Variants in CYTH1 observed in about 807,000 individuals in gnomAD.
CYTH1 encodes the protein cytohesin 1.
In CYTH1, 18 loss-of-function variants were observed where a neutral mutation model predicts 61.8. That is an observed-to-expected ratio of 0.29 (90% CI 0.20 to 0.43). The LOEUF (loss-of-function observed/expected upper bound fraction) is 0.43, where lower values mean the gene tolerates loss of function less well. CYTH1 is among the 20% of genes least tolerant of loss of function. CYTH1 has a pLI of 1.00. For synonymous variants in CYTH1, 174 were observed against 184.3 expected, an observed-to-expected ratio of 0.94 and a Z score of 0.45; for missense variants, 336 against 510.5, an observed-to-expected ratio of 0.66 and a Z score of 3.29.
rs112606600 is a variant in CYTH1 at position 78,679,987 on chromosome 17, A to G, written c.1118+203T>C. Reference sequence around the variant, plus strand: ...AGGACACGTGGGGAACCCAGATGGGACGTGCTCTCTTACATATGCTATAAT... The same window carrying G: ...AGGACACGTGGGGAACCCAGATGGGGCGTGCTCTCTTACATATGCTATAAT... On this transcript the variant is annotated intron_variant, in intron 13 of 13. Transcript: ENST00000446868. Among the ~76,000 whole-genome samples, 160 of 152,294 alleles carry G rather than the reference A, an allele frequency of 1.1e-3. 1 individual carries two copies. The highest frequency in any genetic ancestry group is 3.7e-3 in the African/African-American group (153 of 41,560).
chr17:78,704,879 G>A (rs1439579401), intron 3 of CYTH1, among the ~76,000 whole-genome samples: 2 of 152,158 alleles, frequency 1.3e-5, no homozygotes, highest in Non-Finnish European at 2.9e-5. Context: ...GAACTTCCAG[G>A]TGTAAGATAA....
chr17:78,728,303 T>C (rs2093276878), intron 1 of CYTH1, among the ~76,000 whole-genome samples: 1 of 152,220 alleles, frequency 6.6e-6, no homozygotes, highest in Admixed American at 6.5e-5. Context: ...TCCAGCACTT[T>C]TGGGGGCCGA....
intron 1 of CYTH1, among the ~76,000 whole-genome samples, chr17:78,740,207 A>C (rs983963796): frequency 6.6e-6 from 1 of 152,148 alleles, no homozygotes; most frequent in African/African-American, 2.4e-5. Context: ...AAGTGCTGAG[A>C]TTACAGGCGT....
At chr17:78,733,318 T>C (rs2093304445) in intron 1 of CYTH1, among the ~76,000 whole-genome samples, 1 of 152,232 alleles carries the variant, frequency 6.6e-6, no homozygotes, top group African/African-American at 2.4e-5. Context: ...ACTCTGCATA[T>C]TTCCTGACAA....
chr17:78,750,717 G>A (rs2093376629), intron 1 of CYTH1, among the ~76,000 whole-genome samples: 1 of 151,354 alleles, frequency 6.6e-6, no homozygotes, highest in African/African-American at 2.4e-5. Context: ...AGGGAGTATT[G>A]CTTGAACCCG....
intron 1 of CYTH1, among the ~76,000 whole-genome samples, chr17:78,781,719 C>A (rs2093518798): frequency 6.6e-6 from 1 of 152,040 alleles, no homozygotes; most frequent in African/African-American, 2.4e-5. Flanking sequence ...GCGGGCCCGG[C>A]CATCCGCGCG....
chr17:78,727,712 T>A (rs2093273895), intron 1 of CYTH1: 1 of 471,100 alleles, frequency 2.1e-6, no homozygotes, highest in Non-Finnish European at 4.4e-6. Flanking sequence ...GGCGAGTGCA[T>A]CCTTCTGGTG....
chr17:78,709,626 G>A, intron 2 of CYTH1, 24 bp downstream of exon 2: 1 of 1,612,942 alleles, frequency 6.2e-7, no homozygotes, highest in South Asian at 1.1e-5. Context: ...TTACGTTGGT[G>A]AAACCACCAT....
At chr17:78,780,250 G>A (rs2093511397) in intron 1 of CYTH1, among the ~76,000 whole-genome samples, 1 of 152,244 alleles carries the variant, frequency 6.6e-6, no homozygotes, top group Admixed American at 6.5e-5. Flanking sequence ...GGGAGCAGTG[G>A]CTCATGCCTG....
chr17:78,778,322 GGA>G (rs2093501634), intron 1 of CYTH1, among the ~76,000 whole-genome samples: 8 of 32,268 alleles, frequency 2.5e-4, no homozygotes, highest in Admixed American at 5.4e-4. Flanking sequence ...AAAAAAAAAG[GGA>G]AAAAAAATTA....
intron 1 of CYTH1, among the ~76,000 whole-genome samples, chr17:78,719,608 A>G (rs1289912893): frequency 1.3e-5 from 2 of 152,222 alleles, no homozygotes; most frequent in Non-Finnish European, 2.9e-5. Flanking sequence ...CAGGGATAAG[A>G]ATGCAACCAA....
chr17:78,711,485 A>C (rs2093132142), intron 1 of CYTH1, among the ~76,000 whole-genome samples: 1 of 152,058 alleles, frequency 6.6e-6, no homozygotes, highest in South Asian at 2.1e-4. Flanking sequence ...CTCATATTAT[A>C]TTTCTAGACA....
At position 78,679,808 on chromosome 17, in the gene CYTH1, T is replaced by C. The variant is rs902724842; in HGVS notation, c.1118+382A>G. ...CTCATCTGTAGCTAGGAAAATGGTG[T>C]CTCACAGGATTCACAAATTACAGAA... On this transcript the variant is annotated intron_variant, in intron 13 of 13. Coordinates refer to ENST00000446868, the MANE Select transcript of CYTH1 (RefSeq NM_004762.6). Among the ~76,000 whole-genome samples the C allele has an allele frequency of 5.3e-5, 8 of 152,180 alleles. No individual in the cohort carries two copies. The East Asian group carries it at 1.5e-3, about 29-fold the overall frequency.
chr17:78,692,369 G>A (rs1308201551), intron 11 of CYTH1, 48 bp downstream of exon 11: 14 of 1,585,084 alleles, frequency 8.8e-6, no homozygotes, highest in African/African-American at 1.3e-5. Context: ...ACTTGGAACC[G>A]GAGGCCTTGC....
intron 1 of CYTH1, among the ~76,000 whole-genome samples, chr17:78,732,303 A>C (rs2093299320): frequency 6.6e-6 from 1 of 152,208 alleles, no homozygotes; most frequent in African/African-American, 2.4e-5. Flanking sequence ...CCCCACAGCC[A>C]GTCCTGTGCT....
chr17:78,741,915 C>A (rs2093343452), intron 1 of CYTH1, among the ~76,000 whole-genome samples: 1 of 152,110 alleles, frequency 6.6e-6, no homozygotes, highest in Admixed American at 6.5e-5. Flanking sequence ...GGCCAGGTTT[C>A]CCACTGTCAG....
At chr17:78,778,320 AGG>A (rs375119353) in intron 1 of CYTH1, among the ~76,000 whole-genome samples, 5 of 37,934 alleles carry the variant, frequency 1.3e-4, no homozygotes, top group Non-Finnish European at 1.8e-4. Flanking sequence ...AAAAAAAAAA[AGG>A]GAAAAAAAAT....
intron 1 of CYTH1, among the ~76,000 whole-genome samples, chr17:78,766,200 A>G (rs2093448133): frequency 6.6e-6 from 1 of 152,140 alleles, no homozygotes; most frequent in Non-Finnish European, 1.5e-5. Flanking sequence ...CCCTGGAAGA[A>G]ACATTATTCT....
At chr17:78,691,277 G>A (rs1012765133) in intron 11 of CYTH1, 9 of 152,182 alleles carry the variant, frequency 5.9e-5, no homozygotes, top group Non-Finnish European at 1.0e-4. Context: ...CAGCCTGATG[G>A]GCTACGAAGT....
Sources: gnomAD v4.1 joint callset for allele counts (sites outside exome capture counted in the v4.1 genomes callset) on GRCh38, gnomAD v4.1.1 for gene constraint, MANE v1.5 for transcripts, NCBI Gene and HGNC (gene_info 2026-07-23, HGNC 2026-07-21) for gene names.